Variants in TMEM178A observed in about 807,000 individuals in gnomAD.
TMEM178A encodes transmembrane protein 178A.
TMEM178A carries 12 observed loss-of-function variants against 29.1 expected under a neutral mutation model. That is an observed-to-expected ratio of 0.41 (90% CI 0.26 to 0.67). The LOEUF (loss-of-function observed/expected upper bound fraction) is 0.67. Among genes scored for constraint, TMEM178A ranks in the 30% least tolerant of loss-of-function variants. The pLI is 0.29. For missense variants in TMEM178A, 366 were observed against 419.1 expected (o/e 0.87, Z 1.11); for synonymous variants, 210 against 187.2 (o/e 1.12, Z -0.99).
downstream of TMEM178A, among the ~76,000 whole-genome samples, chr2:39,719,966 A>G (rs962945058): frequency 1.3e-5 from 2 of 152,226 alleles, no homozygotes; most frequent in Non-Finnish European, 2.9e-5. Context: ...ACATTAATGA[A>G]GCAAAACAGA....
chr2:39,730,717 C>T, the TMEM178A span, among the ~76,000 whole-genome samples: 1 of 152,174 alleles, frequency 6.6e-6, no homozygotes, highest in Non-Finnish European at 1.5e-5. Flanking sequence ...TAGCAGACAG[C>T]ACTGAAGGTT....
downstream of TMEM178A, among the ~76,000 whole-genome samples, chr2:39,722,496 T>G (rs1373401066): frequency 1.3e-5 from 2 of 152,216 alleles, no homozygotes; most frequent in Non-Finnish European, 2.9e-5. Flanking sequence ...CTCTCTGATT[T>G]CCAGTTGTTT....
At chr2:39,669,639 T>C (rs1256351399) in intron 1 of TMEM178A, among the ~76,000 whole-genome samples, 5 of 152,236 alleles carry the variant, frequency 3.3e-5, no homozygotes, top group African/African-American at 1.2e-4. Context: ...GGTAAAGTTA[T>C]TGATACGCTC....
chr2:39,731,355 C>T, the TMEM178A span, among the ~76,000 whole-genome samples: 1 of 152,108 alleles, frequency 6.6e-6, no homozygotes, highest in African/African-American at 2.4e-5. Flanking sequence ...TTATTGAGCC[C>T]ATGATTCTGC....
intron 1 of TMEM178A, among the ~76,000 whole-genome samples, chr2:39,687,843 A>G (rs966834159): frequency 4.6e-5 from 7 of 152,272 alleles, no homozygotes; most frequent in Non-Finnish European, 1.5e-5. Flanking sequence ...AGATGTAGTC[A>G]TAGTGATTCT....
intron 2 of TMEM178A, among the ~76,000 whole-genome samples, chr2:39,705,420 A>G (rs1187281629): frequency 6.6e-6 from 1 of 152,170 alleles, no homozygotes; most frequent in Non-Finnish European, 1.5e-5. Context: ...AAACCATAGG[A>G]AATTTGGGAG....
At chr2:39,735,960 A>AAATT in the TMEM178A span, 2 of 152,234 alleles carry the variant, frequency 1.3e-5, no homozygotes, top group Non-Finnish European at 2.9e-5. Flanking sequence ...ACAGGGTGGA[A>AAATT]AATTACCCAA....
intron 1 of TMEM178A, among the ~76,000 whole-genome samples, chr2:39,700,866 C>T (rs1671750296): frequency 6.7e-6 from 1 of 148,388 alleles, no homozygotes; most frequent in African/African-American, 2.5e-5. Flanking sequence ...TAGTGGTTGC[C>T]CTGTGGATTA....
intron 3 of TMEM178A, among the ~76,000 whole-genome samples, chr2:39,711,040 AG>A (rs1672278008): frequency 6.6e-6 from 1 of 152,338 alleles, no homozygotes; most frequent in East Asian, 1.9e-4. Context: ...GGGCCATGCA[AG>A]GGCCCTCCCA....
At chr2:39,675,712 A>ATT (rs370795371) in intron 1 of TMEM178A, among the ~76,000 whole-genome samples, 2 of 149,466 alleles carry the variant, frequency 1.3e-5, no homozygotes, top group South Asian at 2.1e-4. Flanking sequence ...AATGCCAGAC[A>ATT]TTTTTTTTTT....
downstream of TMEM178A, among the ~76,000 whole-genome samples, chr2:39,721,866 C>T (rs1672711793): frequency 6.6e-6 from 1 of 151,778 alleles, no homozygotes; most frequent in South Asian, 2.1e-4. Context: ...TGGTACATGC[C>T]TGTAGGCTTA....
At chr2:39,705,873 A>G (rs1464763941) in intron 2 of TMEM178A, among the ~76,000 whole-genome samples, 1 of 152,180 alleles carries the variant, frequency 6.6e-6, no homozygotes, top group Non-Finnish European at 1.5e-5. Flanking sequence ...ATCCACGTGC[A>G]TTTGCCCAGA....
chr2:39,710,526 A>G (rs1360946662), intron 3 of TMEM178A, among the ~76,000 whole-genome samples: 1 of 152,170 alleles, frequency 6.6e-6, no homozygotes. Context: ...TGGATATGCT[A>G]TGCTGGATTC....
downstream of TMEM178A, among the ~76,000 whole-genome samples, chr2:39,721,985 CAAAAAAAAAAAAAAAA>C (rs57605942): frequency 7.5e-5 from 3 of 40,072 alleles, no homozygotes; most frequent in East Asian, 1.1e-3. Flanking sequence ...AGACCAGTCT[CAAAAAAAAAAAAAAAA>C]AAAAAAAAAA....
Position 39,717,452 on chromosome 2 carries a change from A to G in TMEM178A, c.*201A>G, listed in dbSNP as rs981632395. Reference sequence around the variant, plus strand: ...TGTGGATTCAAGTGCTTTAATGACTATTTATGCGTTGACTGTGAGAATAGG... The same window carrying G: ...TGTGGATTCAAGTGCTTTAATGACTGTTTATGCGTTGACTGTGAGAATAGG... On this transcript the variant is annotated 3_prime_UTR_variant, in exon 4 of 4. Coordinates refer to ENST00000281961, the MANE Select transcript of TMEM178A (RefSeq NM_152390.3). 2 of 629,118 alleles carry G rather than the reference A, an allele frequency of 3.2e-6. No individual in the cohort carries two copies. Among genetic ancestry groups the G allele is most frequent in the Middle Eastern group, 4.5e-4 (1 of 2,202 alleles). 39.0% of individuals were successfully genotyped at this position (629,118 alleles called of 1,614,324 possible).
the TMEM178A span, among the ~76,000 whole-genome samples, chr2:39,726,521 T>C: frequency 1.3e-5 from 2 of 152,128 alleles, no homozygotes; most frequent in South Asian, 2.1e-4. Flanking sequence ...CTGAGTAAGA[T>C]GGAAAGTCAT....
chr2:39,694,939 G>C (rs576867988), intron 1 of TMEM178A, among the ~76,000 whole-genome samples: 1 of 152,286 alleles, frequency 6.6e-6, no homozygotes, highest in Admixed American at 6.5e-5. Flanking sequence ...TTTGGGACTG[G>C]TTTAGCCATT....
intron 3 of TMEM178A, among the ~76,000 whole-genome samples, chr2:39,708,652 C>T (rs1487700201): frequency 3.3e-5 from 5 of 151,568 alleles, no homozygotes; most frequent in East Asian, 3.9e-4. Context: ...CTCCTGACCT[C>T]GTGATCCGCC....
At chr2:39,728,198 A>G in the TMEM178A span, among the ~76,000 whole-genome samples, 973 of 152,294 alleles carry the variant, frequency 6.4e-3, 8 homozygotes, top group African/African-American at 0.021. Context: ...AAGCATTCCT[A>G]TTTCTCCACA....
Sources: allele counts gnomAD v4.1 joint callset (sites outside exome capture counted in the v4.1 genomes callset), GRCh38; gene constraint gnomAD v4.1.1; transcripts MANE v1.5; gene names NCBI Gene and HGNC (gene_info 2026-07-23, HGNC 2026-07-21).